BUD23: variants seen among roughly 807,000 people sequenced by gnomAD.
The protein encoded by BUD23 is 18S rRNA (guanine-N(7))-methyltransferase.
BUD23 carries 34 observed loss-of-function variants against 47.0 expected under a neutral mutation model. The observed-to-expected ratio is 0.72, with a 90% CI of 0.55 to 0.96. The LOEUF is 0.96. BUD23 is among the 40% of genes least tolerant of loss of function. BUD23 has a pLI of 0.00. For missense variants in BUD23, 343 were observed against 361.2 expected (o/e 0.95, Z 0.41); for synonymous variants, 124 against 132.0 (o/e 0.94, Z 0.41).
chr7:73,684,045 G>A, intron 2 of BUD23: 1 of 1,370,894 alleles, frequency 7.3e-7, no homozygotes, highest in Non-Finnish European at 9.6e-7. Context: ...TTTCAAAGTC[G>A]AATGTGACAA....
chr7:73,692,211 C>T (rs1294857188), intron 6 of BUD23, among the ~76,000 whole-genome samples: 3 of 152,180 alleles, frequency 2.0e-5, no homozygotes, highest in Non-Finnish European at 4.4e-5. Context: ...TGTGTTTCCT[C>T]TTCTCCCTGC....
At chr7:73,689,890 G>A (rs1798123827) in intron 5 of BUD23, among the ~76,000 whole-genome samples, 1 of 152,134 alleles carries the variant, frequency 6.6e-6, no homozygotes, top group African/African-American at 2.4e-5. Flanking sequence ...CATTGGTGCG[G>A]GGAAGTGAAA....
At chr7:73,685,047 C>G (rs543654205) in intron 2 of BUD23, among the ~76,000 whole-genome samples, 1 of 150,536 alleles carries the variant, frequency 6.6e-6, no homozygotes, top group Admixed American at 6.6e-5. Context: ...TGGCTCATAC[C>G]AGTAATCCCA....
chr7:73,691,379 C>T (rs963300772), intron 6 of BUD23, among the ~76,000 whole-genome samples: 7 of 152,172 alleles, frequency 4.6e-5, no homozygotes, highest in South Asian at 4.2e-4. Flanking sequence ...ATGTCGTGTC[C>T]GGACCATCCA....
chr7:73,688,938 G>C (rs1021969180), intron 5 of BUD23, among the ~76,000 whole-genome samples: 31 of 152,272 alleles, frequency 2.0e-4, no homozygotes, highest in African/African-American at 7.0e-4. Context: ...TTTTGGTAAT[G>C]GTCAGATGAG....
intron 5 of BUD23, 84 bp from the exon 6 acceptor site, chr7:73,690,832 G>A: frequency 9.1e-7 from 1 of 1,094,702 alleles, no homozygotes; most frequent in Non-Finnish European, 1.4e-6. Flanking sequence ...TGGAGAGCCA[G>A]GACGGATGAT....
rs1231900430 is a variant in BUD23 at position 73,698,131 on chromosome 7, A to C, written c.*245A>C. The C allele has an allele frequency of 4.6e-4, 49 of 106,418 alleles. 1 individual carries two copies. The East Asian group carries it at 5.9e-3, about 13-fold the overall frequency. The allele number at this position is 106,418 out of a possible 1,614,324, so 6.6% of individuals were successfully genotyped here. On this transcript the variant is annotated 3_prime_UTR_variant, in exon 12 of 12. Coordinates refer to ENST00000265758, the MANE Select transcript of BUD23 (RefSeq NM_017528.5). Reference sequence around the variant, plus strand: ...GGCAACATAATGAAACTTCCTTTCCAGGGAGGAAAAAAAAAAAAAAAAAAA... The same window carrying C: ...GGCAACATAATGAAACTTCCTTTCCCGGGAGGAAAAAAAAAAAAAAAAAAA...
intron 8 of BUD23, 73 bp downstream of exon 8, chr7:73,693,487 CAG>C: frequency 6.3e-7 from 1 of 1,597,802 alleles, no homozygotes. Flanking sequence ...TCAGGCCACT[CAG>C]TGGTGCAGAG....
chr7:73,693,459 G>C, intron 8 of BUD23, 45 bp downstream of exon 8: 1 of 1,611,028 alleles, frequency 6.2e-7, no homozygotes, highest in East Asian at 2.2e-5. Flanking sequence ...CAGGAGGGAG[G>C]GTAGTGGCAT....
At chr7:73,693,097 G>C in intron 7 of BUD23, 1 of 585,404 alleles carries the variant, frequency 1.7e-6, no homozygotes, top group South Asian at 2.0e-5. Context: ...CTGGGTCCCT[G>C]CACTGGAAAG....
At position 73,684,546 on chromosome 7, in the gene BUD23, G is replaced by A. The variant is rs1447328199; in HGVS notation, c.86+742G>A. ...AGCCCAGGGCTCAAGCGATCCTCCC[G>A]CCTTCGTCTCCCGAACTGTTGGGAT... On this transcript the variant is annotated intron_variant, in intron 2 of 11. Transcript: ENST00000265758. Among the ~76,000 whole-genome samples the A allele has an allele frequency of 5.1e-5, 7 of 136,262 alleles. No individual in the cohort carries two copies. The Admixed American group carries it at 6.0e-4, about 12-fold the overall frequency. The allele number at this position is 136,262 out of a possible 152,430, so 89.4% of individuals were successfully genotyped here. A position where few individuals can be genotyped will look rare whatever the true frequency, so the allele number is the denominator to read the frequency against.
At chr7:73,683,938 C>A in intron 2 of BUD23, 134 bp downstream of exon 2, 1 of 1,575,350 alleles carries the variant, frequency 6.3e-7, no homozygotes, top group Non-Finnish European at 8.6e-7. Context: ...GTGCCGATTT[C>A]TGTCTCTGGT....
chr7:73,685,173 G>T (rs1439187455), intron 2 of BUD23, among the ~76,000 whole-genome samples: 1 of 152,046 alleles, frequency 6.6e-6, no homozygotes, highest in Non-Finnish European at 1.5e-5. Context: ...CCGGGCCTAC[G>T]GGAGGCTGAG....
intron 6 of BUD23, 29 bp from the exon 7 acceptor site, chr7:73,692,567 T>C: frequency 6.2e-7 from 1 of 1,611,606 alleles, no homozygotes; most frequent in Non-Finnish European, 8.5e-7. Context: ...CAGTCATTTG[T>C]AAGACAGTGA....
At chr7:73,687,138 G>A (rs782637714) in intron 5 of BUD23, 43 bp downstream of exon 5, 1 of 1,595,488 alleles carries the variant, frequency 6.3e-7, no homozygotes, top group Admixed American at 1.7e-5. Context: ...TAGAGACAGG[G>A]TCTCACTCTA....
At chr7:73,692,537 G>A in intron 6 of BUD23, 59 bp from the exon 7 acceptor site, 1 of 1,542,730 alleles carries the variant, frequency 6.5e-7, no homozygotes, top group Middle Eastern at 1.9e-4. Flanking sequence ...AGAGAGGGGT[G>A]TCCAGGCCCT....
chr7:73,685,768 A>G (rs1797942199), intron 2 of BUD23, among the ~76,000 whole-genome samples: 1 of 151,958 alleles, frequency 6.6e-6, no homozygotes. Context: ...GAGTTAATGG[A>G]AATACGTTAT....
At position 73,697,948 on chromosome 7, in the gene BUD23, AAGT is replaced by A; in HGVS notation, c.*67_*69del. Reference sequence around the variant, plus strand: ...ACTTTTCTATATTGTTCAGCTGACAAAGTAGTATTTTAGAAAAGTTCTAAAGTT... The same window carrying A: ...ACTTTTCTATATTGTTCAGCTGACAAAGTATTTTAGAAAAGTTCTAAAGTT... On this transcript the variant is annotated 3_prime_UTR_variant, in exon 12 of 12. Transcript: ENST00000265758. The A allele has an allele frequency of 6.5e-7, 1 of 1,544,782 alleles. No individual in the cohort carries two copies. Among genetic ancestry groups the A allele is most frequent in the Non-Finnish European group, 8.7e-7 (1 of 1,146,762 alleles).
At position 73,683,877 on chromosome 7, in the gene BUD23, C is replaced by T. The variant is rs879950647; in HGVS notation, c.86+73C>T. 10 of 1,613,290 alleles carry T rather than the reference C, an allele frequency of 6.2e-6. No homozygotes were observed. In the Admixed American group the frequency reaches 1.3e-4, roughly 22 times the overall value. On this transcript the variant is annotated intron_variant, in intron 2 of 11. Coordinates refer to ENST00000265758, the MANE Select transcript of BUD23 (RefSeq NM_017528.5). Reference sequence around the variant, plus strand: ...CAAGTTGCCCCTGTTGCTGGCGTTGCCCGGAAAGGCCGTAGAATTTGGGGG... The same window carrying T: ...CAAGTTGCCCCTGTTGCTGGCGTTGTCCGGAAAGGCCGTAGAATTTGGGGG...
Sources: allele counts gnomAD v4.1 joint callset (sites outside exome capture counted in the v4.1 genomes callset), GRCh38; gene constraint gnomAD v4.1.1; transcripts MANE v1.5; gene names NCBI Gene and HGNC (gene_info 2026-07-23, HGNC 2026-07-21).